Variants in CDH18 observed in about 807,000 individuals in gnomAD.
CDH18 encodes cadherin-18.
In CDH18, 31 loss-of-function variants were observed where a neutral mutation model predicts 67.9. That is an observed-to-expected ratio of 0.46 (90% CI 0.34 to 0.62). The LOEUF is 0.62. CDH18 is among the 20% of genes least tolerant of loss of function. The probability of loss-of-function intolerance (pLI) is 0.01; values close to 1 mark genes in which losing one functional copy is unlikely to be tolerated. For synonymous variants in CDH18, 362 were observed against 347.2 expected, an observed-to-expected ratio of 1.04 and a Z score of -0.48; for missense variants, 890 against 975.5, an observed-to-expected ratio of 0.91 and a Z score of 1.17.
chr5:19,971,616 C>T (rs1274564249), intron 2 of CDH18, among the ~76,000 whole-genome samples: 1 of 151,938 alleles, frequency 6.6e-6, no homozygotes, highest in African/African-American at 2.4e-5. Context: ...ACTCCATGTT[C>T]TCACTTATAA....
intron 2 of CDH18, among the ~76,000 whole-genome samples, chr5:20,150,943 T>G (rs1751048081): frequency 6.6e-6 from 1 of 152,098 alleles, no homozygotes; most frequent in Non-Finnish European, 1.5e-5. Flanking sequence ...TTTCTATGTT[T>G]TATTCTTCTA....
chr5:19,734,640 T>A (rs776642081), intron 4 of CDH18, among the ~76,000 whole-genome samples: 13 of 152,326 alleles, frequency 8.5e-5, no homozygotes, highest in Non-Finnish European at 1.6e-4. Flanking sequence ...ACAAGGACTT[T>A]CTTGGACAAG....
intron 2 of CDH18, among the ~76,000 whole-genome samples, chr5:20,067,217 G>T (rs1229245530): frequency 2.0e-5 from 3 of 151,568 alleles, no homozygotes; most frequent in Non-Finnish European, 4.4e-5. Flanking sequence ...ACAGGATCCT[G>T]GAAGCAAACC....
At chr5:19,900,126 C>T (rs4866160) in intron 2 of CDH18, among the ~76,000 whole-genome samples, 75,596 of 151,742 alleles carry the variant, frequency 0.5, 18,952 homozygotes, top group Middle Eastern at 0.65. Flanking sequence ...TGATGTTAAA[C>T]GAAATAAGCA....
At chr5:19,787,571 A>G (rs1468148351) in intron 3 of CDH18, among the ~76,000 whole-genome samples, 1 of 152,132 alleles carries the variant, frequency 6.6e-6, no homozygotes, top group African/African-American at 2.4e-5. Flanking sequence ...ACATGTGCAT[A>G]TAAGAAGACT....
intron 5 of CDH18, among the ~76,000 whole-genome samples, chr5:19,645,467 A>C (rs561508559): frequency 1.3e-5 from 2 of 152,270 alleles, no homozygotes; most frequent in East Asian, 3.9e-4. Flanking sequence ...GGGCTAAATA[A>C]CGGATAGTCT....
intron 1 of CDH18, among the ~76,000 whole-genome samples, chr5:20,559,531 A>G (rs553050678): frequency 8.4e-4 from 128 of 152,280 alleles, no homozygotes; most frequent in African/African-American, 3.0e-3. Context: ...CAGCAATTAA[A>G]TACATGTAAA....
At chr5:19,734,866 TATATC>T (rs1768094837) in intron 4 of CDH18, among the ~76,000 whole-genome samples, 1 of 152,188 alleles carries the variant, frequency 6.6e-6, no homozygotes, top group South Asian at 2.1e-4. Flanking sequence ...CAAGGGGTGA[TATATC>T]AGAAAGATAT....
intron 3 of CDH18, among the ~76,000 whole-genome samples, chr5:19,801,040 T>C (rs1470994062): frequency 6.6e-6 from 1 of 151,936 alleles, no homozygotes; most frequent in Non-Finnish European, 1.5e-5. Context: ...ATTGCCTCAC[T>C]GCTTGAGGTT....
At chr5:19,700,649 A>G (rs1763120656) in intron 5 of CDH18, among the ~76,000 whole-genome samples, 1 of 152,182 alleles carries the variant, frequency 6.6e-6, no homozygotes, top group Non-Finnish European at 1.5e-5. Flanking sequence ...TAAGAATGAC[A>G]GTCTCCTGTG....
At chr5:20,294,676 T>C (rs1747352457) in intron 1 of CDH18, among the ~76,000 whole-genome samples, 1 of 152,222 alleles carries the variant, frequency 6.6e-6, no homozygotes, top group South Asian at 2.1e-4. Context: ...AGGTTCCTAA[T>C]CTTACCTTGT....
At chr5:20,530,552 G>A (rs974433143) in intron 1 of CDH18, among the ~76,000 whole-genome samples, 2 of 151,944 alleles carry the variant, frequency 1.3e-5, no homozygotes, top group African/African-American at 2.4e-5. Flanking sequence ...ATAGACCAGT[G>A]GAACAGAATA....
intron 2 of CDH18, among the ~76,000 whole-genome samples, chr5:20,033,660 T>C (rs1412525486): frequency 6.6e-6 from 1 of 152,048 alleles, no homozygotes. Context: ...TTTAAAAATA[T>C]ATCTGTTTCC....
At chr5:19,658,142 C>T (rs1756652792) in intron 5 of CDH18, among the ~76,000 whole-genome samples, 1 of 151,610 alleles carries the variant, frequency 6.6e-6, no homozygotes, top group South Asian at 2.1e-4. Flanking sequence ...TTGCTTTATG[C>T]AATTTTCTTG....
At chr5:20,216,825 A>C (rs1358842804) in intron 2 of CDH18, among the ~76,000 whole-genome samples, 1 of 151,914 alleles carries the variant, frequency 6.6e-6, no homozygotes, top group Non-Finnish European at 1.5e-5. Context: ...AAGATATTTA[A>C]TAATCGAACT....
chr5:19,682,385 C>G (rs1760459410), intron 5 of CDH18, among the ~76,000 whole-genome samples: 1 of 152,048 alleles, frequency 6.6e-6, no homozygotes, highest in South Asian at 2.1e-4. Context: ...TTAAAGACAT[C>G]AGCCCCTGTA....
chr5:19,611,265 CA>C (rs1331481267), intron 6 of CDH18, among the ~76,000 whole-genome samples: 1 of 151,748 alleles, frequency 6.6e-6, no homozygotes, highest in Non-Finnish European at 1.5e-5. Flanking sequence ...CATGAACAAG[CA>C]TGCAAAAGTG....
chr5:20,286,392 T>G (rs2126718905), intron 1 of CDH18, among the ~76,000 whole-genome samples: 1 of 151,762 alleles, frequency 6.6e-6, no homozygotes, highest in South Asian at 2.1e-4. Context: ...TTTGCTGTAT[T>G]GAAAATACTG....
intron 3 of CDH18, among the ~76,000 whole-genome samples, chr5:19,802,608 C>T (rs1777585281): frequency 1.3e-5 from 2 of 152,008 alleles, no homozygotes; most frequent in Non-Finnish European, 2.9e-5. Flanking sequence ...TGTGTGTGTG[C>T]GTGTATGTGT....
Sources: allele counts gnomAD v4.1 joint callset (sites outside exome capture counted in the v4.1 genomes callset), GRCh38; gene constraint gnomAD v4.1.1; transcripts MANE v1.5; gene names NCBI Gene and HGNC (gene_info 2026-07-23, HGNC 2026-07-21).